The following DNM2 variants were observed in gnomAD, a reference collection of about 807,000 sequenced individuals.
DNM2 encodes the protein dynamin-2.
DNM2 carries 15 observed loss-of-function variants against 99.0 expected under a neutral mutation model. That is an observed-to-expected ratio of 0.15 (90% CI 0.10 to 0.23). The LOEUF is 0.23. Ranked by LOEUF, DNM2 falls within the 10% of genes least tolerant of loss-of-function variation. The pLI is 1.00. For missense variants in DNM2, 742 were observed against 1,189.4 expected (o/e 0.62, Z 5.53); for synonymous variants, 525 against 481.2 (o/e 1.09, Z -1.19).
At position 10,830,830 on chromosome 19, in the gene DNM2, C is replaced by A; in HGVS notation, c.2544-148C>A. 1 of 994,380 alleles carries A rather than the reference C, an allele frequency of 1.0e-6. No homozygotes were observed. 61.6% of individuals were successfully genotyped at this position (994,380 alleles called of 1,614,324 possible). On this transcript the variant is annotated intron_variant, in intron 20 of 20. Transcript: ENST00000389253. This position sits in a 1 kb window ranked among gnomAD's most constrained non-coding sequence, Gnocchi z 4.8. ...TTGATGCCTAGGTTTGGCACTCCTG[C>A]CCGACACCCTGGTGGCTTGCGGAGG...
intron 3 of DNM2, among the ~76,000 whole-genome samples, chr19:10,773,146 ATTTT>A (rs71164120): frequency 2.0e-5 from 2 of 97,634 alleles, no homozygotes; most frequent in Admixed American, 1.1e-4. Context: ...CACCCAGCTA[ATTTT>A]TTTTTTTTTT....
chr19:10,721,548 T>TG (rs1451145532), intron 1 of DNM2, among the ~76,000 whole-genome samples: 3 of 152,242 alleles, frequency 2.0e-5, no homozygotes, highest in South Asian at 2.1e-4. Flanking sequence ...TTACTTTTTT[T>TG]TGGGGGGGTG....
At chr19:10,760,293 G>A (rs1336305741) in intron 2 of DNM2, among the ~76,000 whole-genome samples, 6 of 151,054 alleles carry the variant, frequency 4.0e-5, no homozygotes, top group African/African-American at 7.3e-5. Flanking sequence ...CTCTCACTTC[G>A]GCCTCCCTAA....
Position 10,830,425 on chromosome 19 carries a change from G to GTCTC in DNM2, c.2543+50_2543+53dup, listed in dbSNP as rs757731676. On this transcript the variant is annotated intron_variant, in intron 20 of 20. Transcript: ENST00000389253. This position sits in a 1 kb window ranked among gnomAD's most constrained non-coding sequence, Gnocchi z 4.8. ...CCACCCCAACTGCCTGCACCCTGGG[G>GTCTC]TCTCTCCTCCTGTCTCACTTCCTCC... The GTCTC allele has an allele frequency of 6.3e-7, 1 of 1,593,342 alleles. No individual in the cohort carries two copies. The highest frequency in any genetic ancestry group is 8.5e-7 in the Non-Finnish European group (1 of 1,173,020).
chr19:10,735,921 G>A (rs1387033366), intron 1 of DNM2, among the ~76,000 whole-genome samples: 1 of 152,242 alleles, frequency 6.6e-6, no homozygotes, highest in Admixed American at 6.5e-5. Flanking sequence ...GTTCTGTGAC[G>A]TTGATGTATG....
intron 13 of DNM2, among the ~76,000 whole-genome samples, chr19:10,807,774 C>T (rs879795222): frequency 2.0e-5 from 3 of 148,934 alleles, no homozygotes; most frequent in Admixed American, 6.7e-5. Flanking sequence ...GTCTCGAACT[C>T]CTGACCCCAG....
Position 10,817,899 on chromosome 19 carries a change from C to T in DNM2, c.1672-2081C>T, listed in dbSNP as rs983521296. Reference sequence around the variant, plus strand: ...GGCGGAATCGCACTGTAAACAGTTCCAGATGTGGCATTAGCTGGAATGGCC... The same window carrying T: ...GGCGGAATCGCACTGTAAACAGTTCTAGATGTGGCATTAGCTGGAATGGCC... On this transcript the variant is annotated intron_variant, in intron 15 of 20. Coordinates refer to ENST00000389253, the MANE Select transcript of DNM2 (RefSeq NM_001005361.3). This position sits in a 1 kb window ranked among gnomAD's most constrained non-coding sequence, Gnocchi z 4.6. 6.6e-6 allele frequency among the ~76,000 whole-genome samples: 1 copy of T among 152,042 alleles called. No individual in the cohort carries two copies. Among genetic ancestry groups the T allele is most frequent in the Non-Finnish European group, 1.5e-5 (1 of 67,978 alleles).
At chr19:10,724,330 A>G (rs2145672685) in intron 1 of DNM2, among the ~76,000 whole-genome samples, 1 of 152,250 alleles carries the variant, frequency 6.6e-6, no homozygotes, top group East Asian at 1.9e-4. Flanking sequence ...GGCGCCTGCC[A>G]CCAGGCCCGG....
At chr19:10,732,813 C>A (rs1398714825) in intron 1 of DNM2, among the ~76,000 whole-genome samples, 1 of 152,050 alleles carries the variant, frequency 6.6e-6, no homozygotes. Context: ...AAAGTCTCAA[C>A]AGAATGTGAC....
chr19:10,801,605 CA>C (rs34520425), intron 11 of DNM2, among the ~76,000 whole-genome samples: 1,143 of 56,636 alleles, frequency 0.02, 9 homozygotes, highest in African/African-American at 0.055. Context: ...GTTCTTTTCT[CA>C]AAAAAAAAAA....
Position 10,777,130 on chromosome 19 carries a change from T to C in DNM2, c.602T>C (p.Ile201Thr). Reference protein sequence around the residue: ...KEVDPQGLRTIGVITKLDLMD... With the variant: ...KEVDPQGLRTTGVITKLDLMD... ...TGGGCTCTTTCAGGCCTACGGACCATCGGTGTCATCACCAAGCTTGACCTG... is the reference window on the plus strand; with the variant it reads ...TGGGCTCTTTCAGGCCTACGGACCACCGGTGTCATCACCAAGCTTGACCTG... The change falls in exon 5 of 21, where the codon ATC becomes ACC. Residue 201 changes from isoleucine (I) to threonine (T), a missense_variant. Ile to Thr is a moderately conservative substitution (Grantham distance 89). Transcript: ENST00000389253. 6.2e-7 allele frequency: 1 copy of C among 1,614,170 alleles called. No individual in the cohort carries two copies. Among genetic ancestry groups the C allele is most frequent in the Non-Finnish European group, 8.5e-7 (1 of 1,180,026 alleles).
intron 1 of DNM2, chr19:10,755,250 A>G (rs1263309277): frequency 1.3e-5 from 2 of 152,208 alleles, no homozygotes; most frequent in Non-Finnish European, 2.9e-5. Context: ...AAAAGGAATG[A>G]ACGTCAGACA....
intron 1 of DNM2, among the ~76,000 whole-genome samples, chr19:10,729,233 C>A (rs987508716): frequency 6.7e-6 from 1 of 149,812 alleles, no homozygotes; most frequent in African/African-American, 2.5e-5. Context: ...CCTGTAATCC[C>A]AGCTACTCGG....
At chr19:10,814,404 C>T (rs1009254256) in intron 15 of DNM2, among the ~76,000 whole-genome samples, 1 of 151,930 alleles carries the variant, frequency 6.6e-6, no homozygotes, top group African/African-American at 2.4e-5. Context: ...GCAGAGGTTG[C>T]GGTGAGCCAA....
Position 10,831,283 on chromosome 19 carries a change from G to A in DNM2, c.*236G>A. The stretch of plus-strand genomic sequence containing the variant: ...GGGCGCTGGGGTGTTGCACTTTGGG[G>A]GATGGAGTCTCAGGGTGGCAGAGGG... On this transcript the variant is annotated 3_prime_UTR_variant, in exon 21 of 21. Coordinates refer to ENST00000389253, the MANE Select transcript of DNM2 (RefSeq NM_001005361.3). The surrounding 1 kb of genome is among the most constrained non-coding windows in gnomAD (Gnocchi z 4.3). The A allele has an allele frequency of 7.7e-7, 1 of 1,296,702 alleles. No individual in the cohort carries two copies. The highest frequency in any genetic ancestry group is 1.5e-5 in the African/African-American group (1 of 64,698). The allele number at this position is 1,296,702 out of a possible 1,614,324, so 80.3% of individuals were successfully genotyped here. A position where few individuals can be genotyped will look rare whatever the true frequency, so the allele number is the denominator to read the frequency against.
In DNM2 at chr19:10,784,819, AT is replaced by A. The variant is rs35575438; in HGVS notation, c.849+1721del. Among the ~76,000 whole-genome samples, 38 of 99,436 alleles carry A rather than the reference AT, an allele frequency of 3.8e-4. 7 individuals carry two copies. Among genetic ancestry groups the A allele is most frequent in the African/African-American group, 7.7e-4 (19 of 24,700 alleles). 65.2% of individuals were successfully genotyped at this position (99,436 alleles called of 152,430 possible). ...GTATTTATTTTTTATTTTTTTGATGATTTTTTTTTTTTTTTTTTTTTTGAGA... is the reference window on the plus strand; with the variant it reads ...GTATTTATTTTTTATTTTTTTGATGATTTTTTTTTTTTTTTTTTTTTGAGA... On this transcript the variant is annotated intron_variant, in intron 6 of 20. Transcript: ENST00000389253.
At chr19:10,774,434 T>C (rs1453679498) in intron 3 of DNM2, among the ~76,000 whole-genome samples, 2 of 152,252 alleles carry the variant, frequency 1.3e-5, no homozygotes, top group African/African-American at 4.8e-5. Flanking sequence ...AAATCACTTA[T>C]GCTTTTTTTG....
chr19:10,741,458 G>C (rs2069743902), intron 1 of DNM2, among the ~76,000 whole-genome samples: 1 of 151,938 alleles, frequency 6.6e-6, no homozygotes, highest in Admixed American at 6.6e-5. Flanking sequence ...TGAACTCTTG[G>C]GCTCAAGTGA....
intron 1 of DNM2, among the ~76,000 whole-genome samples, chr19:10,728,517 C>T (rs1247770436): frequency 5.9e-5 from 9 of 152,232 alleles, no homozygotes; most frequent in African/African-American, 1.7e-4. Context: ...GAGTGAGCAA[C>T]GCGTGGCTTT....
Sources: allele counts gnomAD v4.1 joint callset (sites outside exome capture counted in the v4.1 genomes callset), GRCh38; gene constraint gnomAD v4.1.1; non-coding constraint Gnocchi (gnomAD v3.1); transcripts MANE v1.5; gene names NCBI Gene and HGNC (gene_info 2026-07-23, HGNC 2026-07-21).